The following SLC7A1 variants were observed in gnomAD, a reference collection of about 807,000 sequenced individuals.
The protein encoded by SLC7A1 is solute carrier family 7 member 1.
A neutral mutation model predicts 53.9 loss-of-function variants in SLC7A1; 10 were observed. That is an observed-to-expected ratio of 0.19 (90% confidence interval 0.11 to 0.31). The LOEUF (loss-of-function observed/expected upper bound fraction) is 0.31, where lower values mean the gene tolerates loss of function less well. Among genes scored for constraint, SLC7A1 ranks in the 10% least tolerant of loss-of-function variants. SLC7A1 has a pLI of 1.00. For missense variants in SLC7A1, 525 were observed against 827.2 expected (o/e 0.63, Z 4.48); for synonymous variants, 342 against 338.7 (o/e 1.01, Z -0.11).
At position 29,509,744 on chromosome 13, in the gene SLC7A1, T is replaced by C. The variant is rs377285486; in HGVS notation, c.*4736A>G. On this transcript the variant is annotated 3_prime_UTR_variant, in exon 13 of 13. Coordinates refer to ENST00000380752, the MANE Select transcript of SLC7A1 (RefSeq NM_003045.5). ...TCAAACAAGCAAAAAAATATACAAA[T>C]GTACATAATAAAAAACACACAACTC... 4.6e-5 allele frequency: 7 copies of C among 152,220 alleles called. No individual in the cohort carries two copies. Among genetic ancestry groups the C allele is most frequent in the African/African-American group, 1.7e-4 (7 of 41,352 alleles). The allele number at this position is 152,220 out of a possible 1,614,324, so 9.4% of individuals were successfully genotyped here. A position where few individuals can be genotyped will look rare whatever the true frequency, so the allele number is the denominator to read the frequency against.
At chr13:29,578,275 T>C (rs541139741) in intron 1 of SLC7A1, among the ~76,000 whole-genome samples, 1 of 152,286 alleles carries the variant, frequency 6.6e-6, no homozygotes, top group South Asian at 2.1e-4. Context: ...GAACTTGGGC[T>C]GCACAACTGA....
intron 10 of SLC7A1, 37 bp from the exon 11 acceptor site, chr13:29,517,347 A>G (rs773350392): frequency 1.9e-6 from 3 of 1,577,572 alleles, no homozygotes; most frequent in Non-Finnish European, 2.6e-6. Context: ...CTGCAACTCA[A>G]CCATTTCCCA....
In SLC7A1 at chr13:29,536,003, T is replaced by C. The variant is rs1593550862; in HGVS notation, c.186A>G (p.Ala62=). The change falls in exon 3 of 13, where the codon GCA becomes GCG. Residue 62 remains alanine, a synonymous_variant. Transcript: ENST00000380752. ...VLAGAVAREN[A]GPAIVISFLI... is the part of the protein sequence containing the mutation. ...GGAAGGAGATGACAATGGCAGGGCC[T>C]GCATTCTCACGGGCCACAGCTCCAG... 1.9e-6 allele frequency: 3 copies of C among 1,614,008 alleles called. No homozygotes were observed. The highest frequency in any genetic ancestry group is 2.5e-6 in the Non-Finnish European group (3 of 1,180,020).
At chr13:29,533,506 C>A (rs996396244) in intron 3 of SLC7A1, among the ~76,000 whole-genome samples, 1 of 152,158 alleles carries the variant, frequency 6.6e-6, no homozygotes, top group Non-Finnish European at 1.5e-5. Flanking sequence ...GAAGAGGGGC[C>A]CTAGGAAGTC....
At chr13:29,532,747 A>G (rs1350071193) in intron 4 of SLC7A1, 77 bp downstream of exon 4, 2 of 1,309,362 alleles carry the variant, frequency 1.5e-6, no homozygotes, top group Admixed American at 2.3e-5. Flanking sequence ...TAAGTAAAGA[A>G]AGGAACTTAA....
chr13:29,546,173 C>T (rs1869914689), intron 2 of SLC7A1, among the ~76,000 whole-genome samples: 1 of 152,172 alleles, frequency 6.6e-6, no homozygotes, highest in Non-Finnish European at 1.5e-5. Flanking sequence ...GCAAGTGCAG[C>T]GTCAGTGAGC....
intron 1 of SLC7A1, among the ~76,000 whole-genome samples, chr13:29,560,893 C>T (rs778437375): frequency 3.9e-5 from 6 of 152,068 alleles, no homozygotes; most frequent in African/African-American, 7.2e-5. Context: ...TCCCACTGAA[C>T]GATTTATAAA....
intron 2 of SLC7A1, among the ~76,000 whole-genome samples, chr13:29,538,720 C>T (rs1869535113): frequency 6.6e-6 from 1 of 152,212 alleles, no homozygotes; most frequent in Non-Finnish European, 1.5e-5. Flanking sequence ...GTTTAGTAAA[C>T]AATTGCGTGG....
chr13:29,512,625 A>T lies in SLC7A1; in HGVS notation c.*1855T>A, dbSNP rs1303290519. ...CAAGAGACAACCAAAACCCCAACAA[A>T]ATAAGTTAGTATTTATCAAAATATG... On this transcript the variant is annotated 3_prime_UTR_variant, in exon 13 of 13. Coordinates refer to ENST00000380752, the MANE Select transcript of SLC7A1 (RefSeq NM_003045.5). The T allele has an allele frequency of 6.6e-6, 1 of 152,202 alleles. No homozygotes were observed. The highest frequency in any genetic ancestry group is 1.5e-5 in the Non-Finnish European group (1 of 68,044). The allele number at this position is 152,202 out of a possible 1,614,324, so 9.4% of individuals were successfully genotyped here.
chr13:29,533,847 T>G lies in SLC7A1; in HGVS notation c.371-865A>C, dbSNP rs1410784915. Among the ~76,000 whole-genome samples the G allele has an allele frequency of 2.0e-5, 3 of 152,192 alleles. 1 individual carries two copies. Among genetic ancestry groups the G allele is most frequent in the Non-Finnish European group, 4.4e-5 (3 of 68,026 alleles). The stretch of plus-strand genomic sequence containing the variant: ...GAAATGTCACTAAAATTCCAGCATT[T>G]TCATAGAGCGTTTTCCTTTATTTTC... On this transcript the variant is annotated intron_variant, in intron 3 of 12. Transcript: ENST00000380752.
chr13:29,585,610 C>T (rs1043510308), intron 1 of SLC7A1, among the ~76,000 whole-genome samples: 7 of 152,222 alleles, frequency 4.6e-5, no homozygotes, highest in African/African-American at 7.2e-5. Context: ...CCAGTGTGTG[C>T]GGGTAACCAG....
In SLC7A1 at chr13:29,595,491, C is replaced by G. The variant is rs1274337197; in HGVS notation, c.-190G>C. ...GGACGCGCTCAAGGACCAACGGACG[C>G]TCGGCCGGCGAGACCGGGCGGGGCG... On this transcript the variant is annotated 5_prime_UTR_variant, in exon 1 of 13. Coordinates refer to ENST00000380752, the MANE Select transcript of SLC7A1 (RefSeq NM_003045.5). The G allele has an allele frequency of 4.9e-5, 7 of 143,390 alleles. No individual in the cohort carries two copies. The highest frequency in any genetic ancestry group is 1.8e-4 in the African/African-American group (7 of 38,670). 8.9% of individuals were successfully genotyped at this position (143,390 alleles called of 1,614,324 possible). A position where few individuals can be genotyped will look rare whatever the true frequency, so the allele number is the denominator to read the frequency against.
At chr13:29,548,294 G>A (rs551175037) in intron 2 of SLC7A1, among the ~76,000 whole-genome samples, 3 of 152,248 alleles carry the variant, frequency 2.0e-5, no homozygotes, top group Non-Finnish European at 2.9e-5. Flanking sequence ...AGGCACACAC[G>A]GTTAGGAGCT....
chr13:29,594,236 A>G (rs1054881653), intron 1 of SLC7A1, among the ~76,000 whole-genome samples: 1 of 152,288 alleles, frequency 6.6e-6, no homozygotes, highest in Admixed American at 6.5e-5. Context: ...GACATACACA[A>G]TTCTACTAGT....
Position 29,530,629 on chromosome 13 carries a change from T to G in SLC7A1, c.613A>C (p.Met205Leu). 6.2e-7 allele frequency: 1 copy of G among 1,614,026 alleles called. No individual in the cohort carries two copies. The highest frequency in any genetic ancestry group is 8.5e-7 in the Non-Finnish European group (1 of 1,179,946). The change falls in exon 5 of 13, where the codon ATG (methionine) becomes CTG (leucine). Residue 205 changes from methionine (M) to leucine (L), a missense_variant. Met to Leu is a conservative substitution (Grantham distance 15, BLOSUM62 2). Transcript: ENST00000380752. ...CINVLVLGFI[M>L]VSGFVKGSVK... ...GATCCTTTCACAAATCCTGACACCATTATGAAGCCCAGGACCAGGACGTTA... is the reference window on the plus strand; with the variant it reads ...GATCCTTTCACAAATCCTGACACCAGTATGAAGCCCAGGACCAGGACGTTA...
intron 2 of SLC7A1, among the ~76,000 whole-genome samples, chr13:29,547,031 C>A (rs1390543280): frequency 2.0e-5 from 3 of 152,164 alleles, no homozygotes; most frequent in Admixed American, 2.0e-4. Context: ...GGATTTGAAC[C>A]CAGGTCATCT....
intron 2 of SLC7A1, among the ~76,000 whole-genome samples, chr13:29,539,031 T>C (rs1869547947): frequency 6.6e-6 from 1 of 152,160 alleles, no homozygotes; most frequent in South Asian, 2.1e-4. Flanking sequence ...AAAGGCCAAG[T>C]GCAAGGGAGA....
chr13:29,513,395 T>C lies in SLC7A1; in HGVS notation c.*1085A>G, dbSNP rs559749560. 2 of 152,658 alleles carry C rather than the reference T, an allele frequency of 1.3e-5. No individual in the cohort carries two copies. Among genetic ancestry groups the C allele is most frequent in the Admixed American group, 6.5e-5 (1 of 15,290 alleles). The allele number at this position is 152,658 out of a possible 1,614,324, so 9.5% of individuals were successfully genotyped here. A position where few individuals can be genotyped will look rare whatever the true frequency, so the allele number is the denominator to read the frequency against. ...AACTTAATCTGGTGGAGTGTCACAA[T>C]TTCATGGACTGTGGATTGATTTCAA... On this transcript the variant is annotated 3_prime_UTR_variant, in exon 13 of 13. Transcript: ENST00000380752.
chr13:29,548,890 C>G (rs556764548), intron 2 of SLC7A1, among the ~76,000 whole-genome samples: 1 of 152,354 alleles, frequency 6.6e-6, no homozygotes, highest in African/African-American at 2.4e-5. Flanking sequence ...GTAATTCCCA[C>G]CAGGAAACGC....
Sources: allele counts gnomAD v4.1 joint callset (sites outside exome capture counted in the v4.1 genomes callset), GRCh38; gene constraint gnomAD v4.1.1; transcripts MANE v1.5; gene names NCBI Gene and HGNC (gene_info 2026-07-23, HGNC 2026-07-21).